The following COL18A1 variants were observed in gnomAD, a reference collection of about 807,000 sequenced individuals.
COL18A1 encodes the protein collagen alpha-1(XVIII) chain.
COL18A1 carries 133 observed loss-of-function variants against 168.0 expected under a neutral mutation model. The observed-to-expected ratio is 0.79, with a 90% CI of 0.69 to 0.91. COL18A1 has a LOEUF of 0.91. Among genes scored for constraint, COL18A1 ranks in the 40% least tolerant of loss-of-function variants. COL18A1 has a pLI of 0.00. For missense variants in COL18A1, 2,126 were observed against 1,925.4 expected, an observed-to-expected ratio of 1.10 and a Z score of -1.95; for synonymous variants, 949 against 809.0, an observed-to-expected ratio of 1.17 and a Z score of -2.94.
At chr21:45,505,329 G>C in intron 35 of COL18A1, 29 bp from the exon 36 acceptor site, 3 of 1,595,754 alleles carry the variant, frequency 1.9e-6, no homozygotes, top group East Asian at 2.2e-5. Flanking sequence ...GTGTGGCTTC[G>C]TGTTCCCACC....
intron 2 of COL18A1, chr21:45,421,755 C>A: frequency 2.6e-6 from 1 of 380,510 alleles, no homozygotes; most frequent in South Asian, 1.9e-5. Flanking sequence ...AGGCAGTAGG[C>A]AGCCAGGTGG....
chr21:45,505,315 C>T lies in COL18A1; in HGVS notation c.3013+37C>T, dbSNP rs570169093. On this transcript the variant is annotated intron_variant, in intron 35 of 41. Transcript: ENST00000651438. ...GGGAGTGGGCCCCGGGCAGAGGCCGCCTCGTGTGGCTTCGTGTTCCCACCT... is the reference window on the plus strand; with the variant it reads ...GGGAGTGGGCCCCGGGCAGAGGCCGTCTCGTGTGGCTTCGTGTTCCCACCT... 8.1e-6 allele frequency: 13 copies of T among 1,600,012 alleles called. No homozygotes were observed. In the East Asian group the frequency reaches 2.9e-4, roughly 36 times the overall value.
chr21:45,494,878 C>G lies in COL18A1; in HGVS notation c.2396C>G (p.Pro799Arg). The G allele has an allele frequency of 6.2e-7, 1 of 1,610,464 alleles. No homozygotes were observed. The highest frequency in any genetic ancestry group is 8.5e-7 in the Non-Finnish European group (1 of 1,178,882). The stretch of plus-strand genomic sequence containing the variant: ...CTCTTGCAGGGTCCATACGGACGGC[C>G]GGGGTACAAGGGAGAGATTGGCTTT... ...FRGPPGPYGR[P>R]GYKGEIGFPG... The change falls in exon 28 of 42, where the codon CCG (proline) becomes CGG (arginine). Residue 799 changes from proline to arginine, a missense_variant. Physicochemically the swap from Pro to Arg is moderately radical, Grantham distance 103. Transcript: ENST00000651438.
In COL18A1 at chr21:45,454,325, GT is replaced by G. The variant is rs577942510; in HGVS notation, c.107-13914del. Among the ~76,000 whole-genome samples the G allele has an allele frequency of 8.5e-5, 13 of 152,284 alleles. No individual in the cohort carries two copies. The East Asian group carries it at 2.3e-3, about 27-fold the overall frequency. ...ACAGCTGGGGACAGGTTGTGGGGCTGTTTCGTCACAGCTGCTGTCACATTAA... is the reference window on the plus strand; with the variant it reads ...ACAGCTGGGGACAGGTTGTGGGGCTGTTCGTCACAGCTGCTGTCACATTAA... On this transcript the variant is annotated intron_variant, in intron 2 of 41. Coordinates refer to ENST00000651438, the MANE Select transcript of COL18A1 (RefSeq NM_001379500.1).
At position 45,488,427 on chromosome 21, in the gene COL18A1, G is replaced by A. The variant is rs938130494; in HGVS notation, c.1906G>A (p.Gly636Ser). 2.5e-6 allele frequency: 4 copies of A among 1,613,856 alleles called. No individual in the cohort carries two copies. In the South Asian group the frequency reaches 4.4e-5, roughly 18 times the overall value. Residue 636 changes from glycine (G) to serine (S), a missense_variant, in exon 18 of 42, where the codon GGC becomes AGC. By Grantham distance (56) the Gly-to-Ser change is moderately conservative. Coordinates refer to ENST00000651438, the MANE Select transcript of COL18A1 (RefSeq NM_001379500.1). ...TCCTCTGCCCTGACAGGGACCTCCC[G>A]GCCTGCCGGGACTTAAGGTCAGTGA... Reference protein sequence around the residue: ...RSADGPQGPPGLPGLKGDPGV... With the variant: ...RSADGPQGPPSLPGLKGDPGV...
intron 9 of COL18A1, among the ~76,000 whole-genome samples, chr21:45,478,730 C>T (rs535621353): frequency 1.3e-5 from 2 of 152,032 alleles, no homozygotes; most frequent in Non-Finnish European, 2.9e-5. Flanking sequence ...GTCCGAGCTT[C>T]GTCGCAAAAC....
Position 45,473,900 on chromosome 21 carries a change from G to A in COL18A1, c.657G>A (p.Val219=), listed in dbSNP as rs752655619. The A allele has an allele frequency of 2.5e-6, 4 of 1,601,052 alleles. No individual in the cohort carries two copies. Among genetic ancestry groups the A allele is most frequent in the Non-Finnish European group, 1.7e-6 (2 of 1,174,060 alleles). ...CTTTCTCTGTCTGCATTTAGGGGGT[G>A]ATCGCTGAGCTGAAGGTGCGCAGGG... The part of the protein sequence containing the change: ...GGADPDKFQG[V]IAELKVRRDP... Residue 219 remains valine, a synonymous_variant, in exon 4 of 42, where the codon GTG becomes GTA. Transcript: ENST00000651438. The surrounding 1 kb of genome is among the most constrained non-coding windows in gnomAD (Gnocchi z 4.0).
chr21:45,445,230 GCTT>G (rs1430618402), intron 2 of COL18A1, among the ~76,000 whole-genome samples: 1 of 152,190 alleles, frequency 6.6e-6, no homozygotes, highest in African/African-American at 2.4e-5. Context: ...TTTCTGTCTG[GCTT>G]CTTCCCCTCG....
intron 2 of COL18A1, among the ~76,000 whole-genome samples, chr21:45,414,297 G>A (rs1441457592): frequency 2.0e-5 from 3 of 152,202 alleles, no homozygotes; most frequent in African/African-American, 7.2e-5. Context: ...CCTTTCGGGG[G>A]CACATCTTGA....
intron 2 of COL18A1, among the ~76,000 whole-genome samples, chr21:45,417,344 C>T (rs2033476660): frequency 6.6e-6 from 1 of 152,228 alleles, no homozygotes; most frequent in Non-Finnish European, 1.5e-5. Flanking sequence ...CTTCTCTGTG[C>T]TTGTGGGCTG....
At chr21:45,472,378 C>T (rs1403145836) in intron 3 of COL18A1, among the ~76,000 whole-genome samples, 1 of 152,234 alleles carries the variant, frequency 6.6e-6, no homozygotes, top group Non-Finnish European at 1.5e-5. Context: ...CGCCCGCCAC[C>T]AGGCCAGGCT....
chr21:45,495,716 A>ACG (rs2036513340), intron 29 of COL18A1: 2 of 314,000 alleles, frequency 6.4e-6, no homozygotes, highest in Middle Eastern at 1.8e-3. Flanking sequence ...GCGCACACAT[A>ACG]CACGCACACA....
chr21:45,493,036 G>C, intron 24 of COL18A1, 127 bp from the exon 25 acceptor site: 1 of 999,344 alleles, frequency 1.0e-6, no homozygotes, highest in East Asian at 2.6e-5. Flanking sequence ...CTGGGGCCGC[G>C]AGGGGCCCTG....
chr21:45,497,672 CTG>C lies in COL18A1; in HGVS notation c.2683+12_2683+13del. The C allele has an allele frequency of 4.5e-6, 7 of 1,562,670 alleles. No homozygotes were observed. The highest frequency in any genetic ancestry group is 6.1e-6 in the Non-Finnish European group (7 of 1,153,924). The stretch of plus-strand genomic sequence containing the variant: ...CCCCCGGACCACCAGGTGAGCAACT[CTG>C]GACATCCCAGGCAGGAGAGCCATGG... On this transcript the variant is annotated intron_variant, in intron 32 of 41. Transcript: ENST00000651438.
Position 45,510,048 on chromosome 21 carries a change from GC to G in COL18A1, c.3496-12del, listed in dbSNP as rs2037484268. On this transcript the variant is annotated splice_polypyrimidine_tract_variant and intron_variant, in intron 39 of 41. Transcript: ENST00000651438. Reference sequence around the variant, plus strand: ...CAGCGTGGGACACAGCCCGTGACGCGCCCCTCTCCCCGCAGCTCCACCTGGT... The same window carrying G: ...CAGCGTGGGACACAGCCCGTGACGCGCCCTCTCCCCGCAGCTCCACCTGGT... 2.6e-6 allele frequency: 4 copies of G among 1,546,562 alleles called. No homozygotes were observed. The East Asian group carries it at 9.7e-5, about 37-fold the overall frequency.
Position 45,405,418 on chromosome 21 carries a change from C to A in COL18A1, c.51C>A (p.Asp17Glu). 1.5e-6 allele frequency: 2 copies of A among 1,358,060 alleles called. No individual in the cohort carries two copies. Among genetic ancestry groups the A allele is most frequent in the Non-Finnish European group, 1.9e-6 (2 of 1,048,000 alleles). The allele number at this position is 1,358,060 out of a possible 1,614,324, so 84.1% of individuals were successfully genotyped here. The change falls in exon 2 of 42, where the codon GAC becomes GAA. Residue 17 changes from aspartate to glutamate, a missense_variant. Physicochemically the swap from Asp to Glu is conservative, Grantham distance 45. Coordinates refer to ENST00000651438, the MANE Select transcript of COL18A1 (RefSeq NM_001379500.1). ...WPWPRRRRLL[D>E]VLAPLVLLLG... ...GGCCGCGGCGGCGGCGCCTCCTGGA[C>A]GTGCTCGCGCCCCTGGTCCTGCTGC... is the stretch of plus-strand genomic sequence containing the variant.
chr21:45,453,271 G>A (rs532431809), intron 2 of COL18A1, among the ~76,000 whole-genome samples: 37 of 152,230 alleles, frequency 2.4e-4, no homozygotes, highest in African/African-American at 6.0e-4. Context: ...TGGCACGTAC[G>A]CTTATATGTA....
In COL18A1 at chr21:45,467,275, G is replaced by A. The variant is rs2035246093; in HGVS notation, c.107-967G>A. 3.0e-6 allele frequency: 3 copies of A among 985,336 alleles called. No homozygotes were observed. In the Admixed American group the frequency reaches 1.8e-4, roughly 61 times the overall value. 61.0% of individuals were successfully genotyped at this position (985,336 alleles called of 1,614,324 possible). A position where few individuals can be genotyped will look rare whatever the true frequency, so the allele number is the denominator to read the frequency against. The stretch of plus-strand genomic sequence containing the variant: ...GGCTTGGGCTCCCTGGGCGAGGGAT[G>A]GACAGGGCTCCTTCTGACCCTGGGC... On this transcript the variant is annotated intron_variant, in intron 2 of 41. Coordinates refer to ENST00000651438, the MANE Select transcript of COL18A1 (RefSeq NM_001379500.1).
chr21:45,491,183 G>A lies in COL18A1; in HGVS notation c.2068-42G>A, dbSNP rs545399771. The stretch of plus-strand genomic sequence containing the variant: ...GGTGGACTCTGGGGTCCTGGCCAGA[G>A]CGGTTGAGATGAAATGCCGGACGCG... On this transcript the variant is annotated intron_variant, in intron 21 of 41. Transcript: ENST00000651438. 2.6e-6 allele frequency: 4 copies of A among 1,529,286 alleles called. No homozygotes were observed. The Admixed American group carries it at 6.7e-5, about 26-fold the overall frequency. The allele number at this position is 1,529,286 out of a possible 1,614,324, so 94.7% of individuals were successfully genotyped here.
Sources: gnomAD v4.1 joint callset for allele counts (sites outside exome capture counted in the v4.1 genomes callset) on GRCh38, gnomAD v4.1.1 for gene constraint, Gnocchi (gnomAD v3.1) non-coding constraint, MANE v1.5 for transcripts, NCBI Gene and HGNC (gene_info 2026-07-23, HGNC 2026-07-21) for gene names.